The following TIA1 variants were observed in gnomAD, a reference collection of about 807,000 sequenced individuals.
The protein encoded by TIA1 is cytotoxic granule associated RNA binding protein TIA1.
Under a neutral mutation model 65.9 loss-of-function variants are expected in TIA1, and 23 were observed. The ratio of observed to expected loss-of-function variants is 0.35; its 90% confidence interval spans 0.25 to 0.49. The LOEUF (loss-of-function observed/expected upper bound fraction) is 0.49. TIA1 is among the 20% of genes least tolerant of loss of function. The pLI is 0.98. For synonymous variants in TIA1, 147 were observed against 149.4 expected (o/e 0.98, Z 0.12); for missense variants, 371 against 477.9 (o/e 0.78, Z 2.09).
rs1318317404 is a variant in TIA1, at chr2:70,211,198, C to G, written c.*1521G>C. The G allele has an allele frequency of 6.6e-6, 1 of 152,106 alleles. No individual in the cohort carries two copies. The allele number at this position is 152,106 out of a possible 1,614,324, so 9.4% of individuals were successfully genotyped here. A position where few individuals can be genotyped will look rare whatever the true frequency, so the allele number is the denominator to read the frequency against. On this transcript the variant is annotated 3_prime_UTR_variant, in exon 13 of 13. Coordinates refer to ENST00000433529, the MANE Select transcript of TIA1 (RefSeq NM_022173.4). Reference sequence around the variant, plus strand: ...GGAGGTTTGTGATCTTCACTGAAAACAAAGTGAAACTTCCCACACAAGTCT... The same window carrying G: ...GGAGGTTTGTGATCTTCACTGAAAAGAAAGTGAAACTTCCCACACAAGTCT...
intron 2 of TIA1, among the ~76,000 whole-genome samples, chr2:70,232,145 T>A (rs534557872): frequency 7.2e-6 from 1 of 139,180 alleles, no homozygotes; most frequent in Non-Finnish European, 1.5e-5. Flanking sequence ...GAGCTTGCAG[T>A]GTGCAGTGAG....
intron 1 of TIA1, among the ~76,000 whole-genome samples, chr2:70,247,837 AG>A (rs1695074935): frequency 6.6e-6 from 1 of 152,148 alleles, no homozygotes; most frequent in South Asian, 2.1e-4. Context: ...GGAAAGCCAG[AG>A]GTTAAAGAAA....
chr2:70,221,565 A>G (rs1029635169), intron 7 of TIA1, among the ~76,000 whole-genome samples: 9 of 152,266 alleles, frequency 5.9e-5, no homozygotes, highest in African/African-American at 2.2e-4. Flanking sequence ...AGAACAGCAC[A>G]TTATGATTCC....
intron 1 of TIA1, among the ~76,000 whole-genome samples, chr2:70,239,243 C>T (rs909436220): frequency 3.3e-5 from 5 of 152,106 alleles, no homozygotes; most frequent in African/African-American, 1.2e-4. Flanking sequence ...CAGGCACCCG[C>T]CACCACGCCC....
At chr2:70,227,579 T>C (rs1324968745) in intron 6 of TIA1, among the ~76,000 whole-genome samples, 156 bp downstream of exon 6, 1 of 152,184 alleles carries the variant, frequency 6.6e-6, no homozygotes, top group Non-Finnish European at 1.5e-5. Flanking sequence ...AAACAATCTT[T>C]TGCTGTTAAC....
chr2:70,234,872 T>C (rs1688087443), intron 2 of TIA1, among the ~76,000 whole-genome samples: 1 of 151,954 alleles, frequency 6.6e-6, no homozygotes, highest in Non-Finnish European at 1.5e-5. Context: ...ATAATTACTT[T>C]TAAAAATATT....
Position 70,248,458 on chromosome 2 carries a change from A to G in TIA1, c.-28T>C. On this transcript the variant is annotated 5_prime_UTR_variant, in exon 1 of 13. Coordinates refer to ENST00000433529, the MANE Select transcript of TIA1 (RefSeq NM_022173.4). ...CTGCTGCTGTCGCGGCGGCGCCTCC[A>G]GGTCCAGCTCCCTGCCCTTCACTAC... The G allele has an allele frequency of 6.2e-7, 1 of 1,600,772 alleles. No individual in the cohort carries two copies.
chr2:70,225,175 A>G, intron 6 of TIA1: 2 of 1,026,006 alleles, frequency 1.9e-6, no homozygotes, highest in Non-Finnish European at 2.3e-6. Context: ...ATGTTAAATC[A>G]TTGAAGAAAA....
intron 1 of TIA1, among the ~76,000 whole-genome samples, chr2:70,239,741 T>A (rs1191291207): frequency 6.6e-6 from 1 of 152,128 alleles, no homozygotes; most frequent in South Asian, 2.1e-4. Context: ...CATTTAACGA[T>A]CAGGTAAAAT....
intron 12 of TIA1, 62 bp downstream of exon 12, chr2:70,214,287 C>T (rs1677613701): frequency 5.2e-6 from 8 of 1,529,030 alleles, no homozygotes; most frequent in African/African-American, 1.4e-5. Flanking sequence ...AAATTTCTTC[C>T]TACTTAAAAT....
At chr2:70,213,499 C>T (rs1239958103) in intron 12 of TIA1, among the ~76,000 whole-genome samples, 1 of 151,718 alleles carries the variant, frequency 6.6e-6, no homozygotes, top group Non-Finnish European at 1.5e-5. Flanking sequence ...CACGCAACCA[C>T]CATGCCTGGC....
At chr2:70,247,236 A>G (rs1192155182) in intron 1 of TIA1, among the ~76,000 whole-genome samples, 2 of 152,226 alleles carry the variant, frequency 1.3e-5, no homozygotes, top group Non-Finnish European at 2.9e-5. Context: ...AAGGTTACTA[A>G]CAGATTAACT....
rs184407631 is a variant in TIA1 at position 70,209,853 on chromosome 2, C to T, written c.*2866G>A. 1.6e-4 allele frequency: 64 copies of T among 396,980 alleles called. No individual in the cohort carries two copies. In the East Asian group the frequency reaches 2.0e-3, roughly 13 times the overall value. 24.6% of individuals were successfully genotyped at this position (396,980 alleles called of 1,614,324 possible). A position where few individuals can be genotyped will look rare whatever the true frequency, so the allele number is the denominator to read the frequency against. ...ACTGTACAGCACTTAGTAAACCTGT[C>T]TTTGTACATGCAATCTAGTTCTTAC... On this transcript the variant is annotated 3_prime_UTR_variant, in exon 13 of 13. Transcript: ENST00000433529.
intron 5 of TIA1, chr2:70,228,576 C>CA: frequency 9.1e-7 from 1 of 1,102,042 alleles, no homozygotes; most frequent in East Asian, 8.3e-5. Flanking sequence ...AGACAATTAT[C>CA]AAAAAAAGAA....
chr2:70,217,965 T>G (rs900609335), intron 7 of TIA1, among the ~76,000 whole-genome samples: 11 of 152,244 alleles, frequency 7.2e-5, no homozygotes, highest in Middle Eastern at 3.2e-3. Flanking sequence ...AATATTTGGT[T>G]TCTCATTCAT....
chr2:70,226,859 C>T (rs879356853), intron 6 of TIA1, among the ~76,000 whole-genome samples: 1 of 152,132 alleles, frequency 6.6e-6, no homozygotes, highest in Non-Finnish European at 1.5e-5. Flanking sequence ...ATTCCTTGGT[C>T]ACATCCCCTA....
intron 1 of TIA1, 99 bp from the exon 2 acceptor site, chr2:70,236,274 C>A: frequency 1.4e-6 from 1 of 692,410 alleles, no homozygotes; most frequent in Non-Finnish European, 2.4e-6. Flanking sequence ...TCTCGGCTCA[C>A]CACAACCTCC....
chr2:70,238,270 T>TTTTG (rs1690010599), intron 1 of TIA1, among the ~76,000 whole-genome samples: 1 of 129,076 alleles, frequency 7.7e-6, no homozygotes, highest in Admixed American at 7.5e-5. Context: ...GTTTTTTTTT[T>TTTTG]TTTTTTTTTT....
In TIA1 at chr2:70,236,048, G is replaced by T. The variant is rs757961157; in HGVS notation, c.123+31C>A. ...TTTAAGTAATGTGTAAAAAAAAAAA[G>T]AATAAAGTTAACTAAGTAAAATACC... On this transcript the variant is annotated intron_variant, in intron 2 of 12. Transcript: ENST00000433529. 8.3e-6 allele frequency: 11 copies of T among 1,322,214 alleles called. No homozygotes were observed. In the East Asian group the frequency reaches 2.1e-4, roughly 25 times the overall value. The allele number at this position is 1,322,214 out of a possible 1,614,324, so 81.9% of individuals were successfully genotyped here.
Sources: allele counts gnomAD v4.1 joint callset (sites outside exome capture counted in the v4.1 genomes callset), GRCh38; gene constraint gnomAD v4.1.1; transcripts MANE v1.5; gene names NCBI Gene and HGNC (gene_info 2026-07-23, HGNC 2026-07-21).